P2RY14: variants seen among roughly 807,000 people sequenced by gnomAD.
P2RY14 encodes the protein purinergic receptor P2Y14.
In P2RY14, 2 loss-of-function variants were observed where a neutral mutation model predicts 0.9. The ratio of observed to expected loss-of-function variants is 2.16; its 90% CI spans 0.88 to 6.79. The LOEUF (loss-of-function observed/expected upper bound fraction) is 6.79. Ranked by LOEUF, P2RY14 falls within the 30% of genes most tolerant of loss-of-function variation. The pLI, the probability that P2RY14 is intolerant of heterozygous loss-of-function variation, is 0.05. For synonymous variants in P2RY14, 158 were observed against 147.2 expected (o/e 1.07, Z -0.53); for missense variants, 378 against 400.1 (o/e 0.94, Z 0.47).
intron 1 of P2RY14, among the ~76,000 whole-genome samples, chr3:151,245,530 C>T (rs1362869951): frequency 2.7e-5 from 4 of 148,380 alleles, no homozygotes; most frequent in Admixed American, 1.4e-4. Context: ...ACATGATTAT[C>T]TCAATAGATG....
rs1276066975 is a variant in P2RY14, at chr3:151,244,696, C to T, written c.-132-25054G>A. Among the ~76,000 whole-genome samples the T allele has an allele frequency of 2.5e-3, 380 of 151,052 alleles. 2 individuals are homozygous for T. Among genetic ancestry groups the T allele is most frequent in the Non-Finnish European group, 3.8e-3 (256 of 67,678 alleles). Reference sequence around the variant, plus strand: ...ATCCAAAATTGACACCCTAACATCACAATTAAAAGAACTAGAAAAGCAAGA... The same window carrying T: ...ATCCAAAATTGACACCCTAACATCATAATTAAAAGAACTAGAAAAGCAAGA... On this transcript the variant is annotated intron_variant, in intron 1 of 2. Transcript: ENST00000309170.
chr3:151,253,810 ATT>A (rs1737286249), intron 1 of P2RY14, among the ~76,000 whole-genome samples: 2 of 152,018 alleles, frequency 1.3e-5, no homozygotes, highest in African/African-American at 4.8e-5. Context: ...GGCTTGAAAC[ATT>A]GTCCTTTTGC....
chr3:151,233,540 C>T (rs1732128062), intron 1 of P2RY14, among the ~76,000 whole-genome samples: 1 of 152,290 alleles, frequency 6.6e-6, no homozygotes, highest in East Asian at 1.9e-4. Context: ...TTGAGACCAG[C>T]CTGACCAACA....
At chr3:151,247,018 A>C (rs2149422443) in intron 1 of P2RY14, among the ~76,000 whole-genome samples, 1 of 151,734 alleles carries the variant, frequency 6.6e-6, no homozygotes, top group African/African-American at 2.4e-5. Flanking sequence ...CACATGAAAA[A>C]ATCCTCACTG....
intron 1 of P2RY14, among the ~76,000 whole-genome samples, chr3:151,275,027 G>A (rs908907661): frequency 1.3e-5 from 2 of 152,140 alleles, no homozygotes; most frequent in Non-Finnish European, 2.9e-5. Context: ...CTTAGGGCTC[G>A]ACTCACTGGG....
chr3:151,256,531 A>G (rs542884333), intron 1 of P2RY14, among the ~76,000 whole-genome samples: 1 of 152,168 alleles, frequency 6.6e-6, no homozygotes, highest in African/African-American at 2.4e-5. Context: ...CTTGTCAACC[A>G]CAGAAATTAG....
chr3:151,215,909 C>G (rs1576996418), intron 2 of P2RY14, among the ~76,000 whole-genome samples: 1 of 152,176 alleles, frequency 6.6e-6, no homozygotes, highest in Admixed American at 6.5e-5. Flanking sequence ...CACAGACTTT[C>G]ATTTGTGTGG....
intron 1 of P2RY14, among the ~76,000 whole-genome samples, chr3:151,246,169 A>G (rs1441452586): frequency 6.6e-6 from 1 of 152,186 alleles, no homozygotes; most frequent in Non-Finnish European, 1.5e-5. Flanking sequence ...TAGGAAGAAT[A>G]AATATCGTGA....
chr3:151,277,811 A>G lies in P2RY14; in HGVS notation c.-133+476T>C, dbSNP rs866708447. On this transcript the variant is annotated intron_variant, in intron 1 of 2. Coordinates refer to ENST00000309170, the MANE Select transcript of P2RY14 (RefSeq NM_014879.4). ...GGTTAACTTATCCTAATAATGACAA[A>G]GATAAAAACTTTTACCTATATAAGT... 2.0e-5 allele frequency among the ~76,000 whole-genome samples: 3 copies of G among 152,240 alleles called. No individual in the cohort carries two copies. The South Asian group carries it at 6.2e-4, about 31-fold the overall frequency.
intron 1 of P2RY14, among the ~76,000 whole-genome samples, chr3:151,241,206 T>C (rs908593874): frequency 6.6e-6 from 1 of 152,222 alleles, no homozygotes; most frequent in African/African-American, 2.4e-5. Flanking sequence ...AGACTATATC[T>C]CTTTAGTTGG....
At chr3:151,215,672 C>T (rs892365761) in intron 2 of P2RY14, among the ~76,000 whole-genome samples, 4 of 152,148 alleles carry the variant, frequency 2.6e-5, no homozygotes, top group African/African-American at 4.8e-5. Flanking sequence ...TTTGATATAT[C>T]GGAACAGATG....
At chr3:151,269,533 T>G in intron 1 of P2RY14, 1 of 282,570 alleles carries the variant, frequency 3.5e-6, no homozygotes, top group East Asian at 1.0e-4. Context: ...TTGGAAGAGG[T>G]CAAAATTGAT....
rs1406072079 is a variant in P2RY14 at position 151,242,747 on chromosome 3, C to T, written c.-132-23105G>A. On this transcript the variant is annotated intron_variant, in intron 1 of 2. Transcript: ENST00000309170. ...AAGGAACGCAGTTCCTCACCAGCAG[C>T]GGAACAAAGCTGGATGGAGAATGAC... Among the ~76,000 whole-genome samples the T allele has an allele frequency of 1.2e-4, 18 of 152,282 alleles. No homozygotes were observed. The South Asian group carries it at 1.7e-3, about 14-fold the overall frequency.
At chr3:151,216,530 A>G (rs1920397) in intron 2 of P2RY14, among the ~76,000 whole-genome samples, 127,179 of 152,256 alleles carry the variant, frequency 0.84, 53,218 homozygotes, top group African/African-American at 0.89. Flanking sequence ...TTCCTTTCCC[A>G]TATGCTTTCC....
At chr3:151,236,809 A>G (rs1732915995) in intron 1 of P2RY14, among the ~76,000 whole-genome samples, 1 of 152,312 alleles carries the variant, frequency 6.6e-6, no homozygotes. Flanking sequence ...AAGTATTGCT[A>G]TAATTAATTT....
chr3:151,215,113 CTT>C (rs556487682), intron 2 of P2RY14, among the ~76,000 whole-genome samples: 1 of 145,368 alleles, frequency 6.9e-6, no homozygotes. Flanking sequence ...CAATATTGAG[CTT>C]TTTTTTTTTC....
At chr3:151,220,031 T>G (rs1367158793) in intron 1 of P2RY14, among the ~76,000 whole-genome samples, 2 of 150,962 alleles carry the variant, frequency 1.3e-5, no homozygotes, top group African/African-American at 4.9e-5. Context: ...AACCTTTGTC[T>G]TATTGACCTT....
intron 1 of P2RY14, among the ~76,000 whole-genome samples, chr3:151,270,568 C>T (rs974298624): frequency 1.3e-5 from 2 of 152,016 alleles, no homozygotes; most frequent in African/African-American, 4.8e-5. Flanking sequence ...TGTGTCTCTG[C>T]GTGAATATGG....
rs1397124521 is a variant in P2RY14 at position 151,212,561 on chromosome 3, C to T, written c.*739G>A. 6.6e-6 allele frequency: 1 copy of T among 151,960 alleles called. No individual in the cohort carries two copies. The highest frequency in any genetic ancestry group is 1.9e-4 in the East Asian group (1 of 5,190). The allele number at this position is 151,960 out of a possible 1,614,324, so 9.4% of individuals were successfully genotyped here. ...TAACGTATGCCAATATTTAGTTTCT[C>T]TCAGTAAAGCCTACTTAAAAATATT... On this transcript the variant is annotated 3_prime_UTR_variant, in exon 3 of 3. Coordinates refer to ENST00000309170, the MANE Select transcript of P2RY14 (RefSeq NM_014879.4).
Sources: gnomAD v4.1 joint callset for allele counts (sites outside exome capture counted in the v4.1 genomes callset) on GRCh38, gnomAD v4.1.1 for gene constraint, MANE v1.5 for transcripts, NCBI Gene and HGNC (gene_info 2026-07-23, HGNC 2026-07-21) for gene names.